Variants in HDGF observed in about 807,000 individuals in gnomAD.
The protein encoded by HDGF is heparin binding growth factor.
In HDGF, 5 loss-of-function variants were observed where a neutral mutation model predicts 30.0. The observed-to-expected ratio is 0.17, with a 90% CI of 0.09 to 0.35. The LOEUF (loss-of-function observed/expected upper bound fraction) is 0.35, where lower values mean the gene tolerates loss of function less well. Ranked by LOEUF, HDGF falls within the 10% of genes least tolerant of loss-of-function variation. The probability of loss-of-function intolerance (pLI) is 1.00; values close to 1 mark genes in which losing one functional copy is unlikely to be tolerated. For synonymous variants in HDGF, 133 were observed against 112.7 expected (o/e 1.18, Z -1.14); for missense variants, 214 against 302.8 (o/e 0.71, Z 2.18).
Position 156,742,653 on chromosome 1 carries a change from G to A in HDGF, c.*796C>T, listed in dbSNP as rs1486253605. The A allele has an allele frequency of 6.5e-6, 1 of 153,460 alleles. No homozygotes were observed. Among genetic ancestry groups the A allele is most frequent in the East Asian group, 1.9e-4 (1 of 5,194 alleles). The allele number at this position is 153,460 out of a possible 1,614,324, so 9.5% of individuals were successfully genotyped here. A position where few individuals can be genotyped will look rare whatever the true frequency, so the allele number is the denominator to read the frequency against. On this transcript the variant is annotated 3_prime_UTR_variant, in exon 6 of 6. Transcript: ENST00000357325. ...GTGTGGAGAGGAAAAAGGACAGCTAGGAGTCTTCCCAAGCATCCTATTTGT... is the reference window on the plus strand; with the variant it reads ...GTGTGGAGAGGAAAAAGGACAGCTAAGAGTCTTCCCAAGCATCCTATTTGT...
At chr1:156,745,253 C>T (rs746558649) in intron 2 of HDGF, 44 bp downstream of exon 2, 2 of 1,609,082 alleles carry the variant, frequency 1.2e-6, no homozygotes, top group Non-Finnish European at 1.7e-6. Context: ...CAGAGTAGTC[C>T]TCCCGGGGCC....
intron 1 of HDGF, among the ~76,000 whole-genome samples, chr1:156,749,736 C>T (rs1004778661): frequency 1.3e-5 from 2 of 152,144 alleles, no homozygotes; most frequent in Admixed American, 6.5e-5. Flanking sequence ...TGTCCCTGCC[C>T]CTTTTCTCTC....
rs149484357 is a variant in HDGF at position 156,765,339 on chromosome 1, C to T, written n.136+1451G>A. On this transcript the variant is annotated intron_variant and non_coding_transcript_variant, in intron 1 of 7. Transcript: ENST00000465180. ...AAGTCCCAATCTCAGGTGATCTGCC[C>T]GCCTCGGCCTCCCAAAATGCTTGGA... Among the ~76,000 whole-genome samples the T allele has an allele frequency of 7.7e-3, 1,159 of 151,002 alleles. 14 individuals are homozygous for T. The highest frequency in any genetic ancestry group is 0.026 in the African/African-American group (1,065 of 41,144).
chr1:156,765,215 CCT>C (rs780528183), intron 1 of HDGF, among the ~76,000 whole-genome samples: 66 of 151,510 alleles, frequency 4.4e-4, no homozygotes, highest in Non-Finnish European at 8.5e-4. Flanking sequence ...GCCTCAGCCC[CCT>C]GAGTAGCTGG....
chr1:156,760,416 T>C (rs1189647885), intron 1 of HDGF, among the ~76,000 whole-genome samples: 1 of 152,176 alleles, frequency 6.6e-6, no homozygotes, highest in Non-Finnish European at 1.5e-5. Flanking sequence ...AGAGGTAGCC[T>C]CCCCACATGC....
chr1:156,745,267 C>T, intron 2 of HDGF, 30 bp downstream of exon 2: 1 of 1,612,340 alleles, frequency 6.2e-7, no homozygotes, highest in Non-Finnish European at 8.5e-7. Context: ...CGGGGCCCTC[C>T]CGACCTATAC....
At chr1:156,759,578 T>C (rs1293676279) in intron 1 of HDGF, among the ~76,000 whole-genome samples, 1 of 150,490 alleles carries the variant, frequency 6.6e-6, no homozygotes, top group East Asian at 2.0e-4. Context: ...GCCTCCCAGG[T>C]TCAAGTGATT....
chr1:156,764,519 A>G (rs1362521512), intron 1 of HDGF, among the ~76,000 whole-genome samples: 1 of 152,226 alleles, frequency 6.6e-6, no homozygotes, highest in Non-Finnish European at 1.5e-5. Flanking sequence ...AAATTTCTAC[A>G]GGTATAAAAG....
upstream of HDGF, among the ~76,000 whole-genome samples, chr1:156,756,435 G>C (rs1207291731): frequency 6.6e-6 from 1 of 152,178 alleles, no homozygotes; most frequent in African/African-American, 2.4e-5. Flanking sequence ...TGACAAAGCT[G>C]GCAATACCAC....
chr1:156,753,256 A>G (rs1395210015), upstream of HDGF, among the ~76,000 whole-genome samples: 2 of 152,178 alleles, frequency 1.3e-5, no homozygotes, highest in Non-Finnish European at 2.9e-5. Context: ...CTGCTGGCAC[A>G]GGGGGGCATT....
intron 3 of HDGF, chr1:156,744,690 C>T (rs1013354503): frequency 1.7e-6 from 1 of 581,460 alleles, no homozygotes. Context: ...GCACCTCCTC[C>T]TGGAAGCCTT....
intron 1 of HDGF, among the ~76,000 whole-genome samples, chr1:156,747,967 G>A (rs1185470414): frequency 2.6e-5 from 4 of 152,160 alleles, no homozygotes; most frequent in African/African-American, 7.2e-5. Flanking sequence ...CCCAGCAGTG[G>A]GGGAGAAACA....
chr1:156,759,672 G>C (rs868839999), intron 1 of HDGF, among the ~76,000 whole-genome samples: 3 of 152,080 alleles, frequency 2.0e-5, no homozygotes, highest in South Asian at 2.1e-4. Context: ...AGTAGAGATG[G>C]GGTTTCACCT....
intron 1 of HDGF, chr1:156,747,403 C>T (rs189664753): frequency 1.0e-3 from 158 of 152,328 alleles, no homozygotes; most frequent in Non-Finnish European, 1.8e-3. Flanking sequence ...GGGTACGGGG[C>T]GAAAGGGGGC....
At chr1:156,755,812 A>G (rs564585501), upstream of HDGF, 2 of 152,324 alleles carry the variant, frequency 1.3e-5, no homozygotes, top group East Asian at 3.9e-4. Flanking sequence ...GGTTGAGAAT[A>G]TGGGCTGTAG....
upstream of HDGF, chr1:156,752,052 CGCAGT>C (rs1651021260): frequency 6.4e-7 from 1 of 1,551,444 alleles, no homozygotes; most frequent in Non-Finnish European, 8.7e-7. Flanking sequence ...GCGGCCCCAG[CGCAGT>C]TAAGTGTGGA....
chr1:156,748,451 T>C (rs1261636559), intron 1 of HDGF, among the ~76,000 whole-genome samples: 2 of 152,070 alleles, frequency 1.3e-5, no homozygotes, highest in African/African-American at 2.4e-5. Flanking sequence ...TGGGGCCAAA[T>C]AGTGCTGGGG....
At chr1:156,767,284 C>T (rs1289495212), upstream of HDGF, among the ~76,000 whole-genome samples, 1 of 152,172 alleles carries the variant, frequency 6.6e-6, no homozygotes, top group Non-Finnish European at 1.5e-5. Flanking sequence ...GCCGTGGTGA[C>T]CGGTGGGGCT....
Position 156,751,268 on chromosome 1 carries a change from A to T in HDGF, c.87+75T>A. 6.6e-7 allele frequency: 1 copy of T among 1,522,350 alleles called. No individual in the cohort carries two copies. The highest frequency in any genetic ancestry group is 1.2e-5 in the South Asian group (1 of 83,860). The allele number at this position is 1,522,350 out of a possible 1,614,324, so 94.3% of individuals were successfully genotyped here. A position where few individuals can be genotyped will look rare whatever the true frequency, so the allele number is the denominator to read the frequency against. On this transcript the variant is annotated intron_variant, in intron 1 of 5. Coordinates refer to ENST00000357325, the MANE Select transcript of HDGF (RefSeq NM_004494.3). The surrounding 1 kb of genome is among the most constrained non-coding windows in gnomAD (Gnocchi z 4.7). ...CCCCACCTCTGCCCGCTCCGCGCGG[A>T]GCGCTCGTGCCCTTCCCGGTGTTAT...
Sources: gnomAD v4.1 joint callset for allele counts (sites outside exome capture counted in the v4.1 genomes callset) on GRCh38, gnomAD v4.1.1 for gene constraint, Gnocchi (gnomAD v3.1) non-coding constraint, MANE v1.5 for transcripts, NCBI Gene and HGNC (gene_info 2026-07-23, HGNC 2026-07-21) for gene names.